Variants in SGCZ observed in about 807,000 individuals in gnomAD.
The protein encoded by SGCZ is sarcoglycan zeta, also known as zeta-sarcoglycan.
SGCZ carries 40 observed loss-of-function variants against 41.3 expected under a neutral mutation model. The observed-to-expected ratio is 0.97, with a 90% CI of 0.75 to 1.26. SGCZ has a LOEUF of 1.26. Ranked by LOEUF, SGCZ falls within the 50% of genes most tolerant of loss-of-function variation. The pLI is 0.00. For missense variants in SGCZ, 552 were observed against 369.8 expected, an observed-to-expected ratio of 1.49 and a Z score of -4.04; for synonymous variants, 206 against 137.5, an observed-to-expected ratio of 1.50 and a Z score of -3.49.
At chr8:14,594,186 AAATAAAT>A (rs1805332704) in intron 1 of SGCZ, among the ~76,000 whole-genome samples, 1 of 89,110 alleles carries the variant, frequency 1.1e-5, no homozygotes, top group Non-Finnish European at 2.4e-5. Flanking sequence ...AAAAATAAAT[AAATAAAT>A]AAATAAATAA....
chr8:14,172,684 C>A (rs1328967672), intron 4 of SGCZ, among the ~76,000 whole-genome samples: 1 of 151,994 alleles, frequency 6.6e-6, no homozygotes, highest in Non-Finnish European at 1.5e-5. Context: ...TCCTAAGGAC[C>A]ATTTGCAAAT....
At chr8:14,927,094 T>C (rs1346140477) in intron 1 of SGCZ, among the ~76,000 whole-genome samples, 1 of 147,056 alleles carries the variant, frequency 6.8e-6, no homozygotes, top group Non-Finnish European at 1.5e-5. Flanking sequence ...GTATCAAAGT[T>C]CCTGATTCTT....
intron 1 of SGCZ, among the ~76,000 whole-genome samples, chr8:15,076,402 G>A (rs191704133): frequency 4.6e-5 from 7 of 152,250 alleles, no homozygotes; most frequent in African/African-American, 1.7e-4. Context: ...AGAAAACTGT[G>A]ATTGCAGAAA....
intron 1 of SGCZ, among the ~76,000 whole-genome samples, chr8:15,158,276 T>A (rs139553801): frequency 9.1e-4 from 138 of 152,286 alleles, no homozygotes; most frequent in Non-Finnish European, 1.3e-3. Flanking sequence ...CGTTATCCAT[T>A]TTTCCCAGTT....
At chr8:14,722,049 G>T (rs1308297878) in intron 1 of SGCZ, among the ~76,000 whole-genome samples, 1 of 152,082 alleles carries the variant, frequency 6.6e-6, no homozygotes, top group Non-Finnish European at 1.5e-5. Flanking sequence ...CTTCTCAGTA[G>T]TGTTCCCTGG....
At chr8:14,220,895 G>C (rs1475629857) in intron 4 of SGCZ, among the ~76,000 whole-genome samples, 1 of 152,060 alleles carries the variant, frequency 6.6e-6, no homozygotes, top group African/African-American at 2.4e-5. Context: ...TTCAAAATTT[G>C]TTATCTTAAG....
At chr8:14,810,133 G>A (rs925791110) in intron 1 of SGCZ, among the ~76,000 whole-genome samples, 1 of 151,978 alleles carries the variant, frequency 6.6e-6, no homozygotes, top group African/African-American at 2.4e-5. Flanking sequence ...TTCAGGATTA[G>A]AGACTAAAAA....
chr8:14,579,237 A>C (rs965699090), intron 1 of SGCZ, among the ~76,000 whole-genome samples: 4 of 152,182 alleles, frequency 2.6e-5, no homozygotes, highest in Non-Finnish European at 5.9e-5. Flanking sequence ...ATGCTTTACT[A>C]AATCAGTTAC....
chr8:14,153,513 C>G (rs60246208), intron 5 of SGCZ, among the ~76,000 whole-genome samples: 18,846 of 152,124 alleles, frequency 0.12, 1,258 homozygotes, highest in Middle Eastern at 0.2. Context: ...CCATAGGTTT[C>G]ATACTGTCAC....
At chr8:15,195,000 T>C (rs1172337112) in intron 1 of SGCZ, among the ~76,000 whole-genome samples, 1 of 152,250 alleles carries the variant, frequency 6.6e-6, no homozygotes, top group African/African-American at 2.4e-5. Context: ...TCATTTATTT[T>C]AGAATAAAAT....
chr8:14,803,725 C>T (rs993859060), intron 1 of SGCZ, among the ~76,000 whole-genome samples: 1 of 151,568 alleles, frequency 6.6e-6, no homozygotes, highest in Non-Finnish European at 1.5e-5. Flanking sequence ...GTGGAGCCCA[C>T]CACAGCTCAA....
intron 1 of SGCZ, among the ~76,000 whole-genome samples, chr8:15,006,198 T>C (rs2130918630): frequency 6.6e-6 from 1 of 152,272 alleles, no homozygotes; most frequent in East Asian, 1.9e-4. Context: ...AAGAATACCC[T>C]AAAAATAGCA....
chr8:14,975,679 G>A (rs932499107), intron 1 of SGCZ, among the ~76,000 whole-genome samples: 4 of 151,850 alleles, frequency 2.6e-5, no homozygotes, highest in African/African-American at 9.7e-5. Context: ...TTACACAGCA[G>A]TGATTTCTCC....
intron 1 of SGCZ, among the ~76,000 whole-genome samples, chr8:15,134,574 G>A (rs1346590714): frequency 6.6e-6 from 1 of 151,914 alleles, no homozygotes; most frequent in East Asian, 1.9e-4. Flanking sequence ...AGAAATAACT[G>A]ATCACAAACT....
intron 1 of SGCZ, among the ~76,000 whole-genome samples, chr8:14,902,445 C>T (rs1260968299): frequency 2.0e-5 from 3 of 152,034 alleles, no homozygotes; most frequent in Non-Finnish European, 4.4e-5. Flanking sequence ...ATTCCCTGGG[C>T]CTGAATTTTC....
chr8:14,150,897 C>T (rs1462839285), intron 5 of SGCZ, among the ~76,000 whole-genome samples: 1 of 152,064 alleles, frequency 6.6e-6, no homozygotes, highest in African/African-American at 2.4e-5. Context: ...CTGGAGATCA[C>T]TGTGTTAAGT....
At chr8:14,821,407 C>A (rs1316761853) in intron 1 of SGCZ, among the ~76,000 whole-genome samples, 3 of 151,938 alleles carry the variant, frequency 2.0e-5, no homozygotes, top group Non-Finnish European at 2.9e-5. Flanking sequence ...GAACTAATAC[C>A]AATTATCCTT....
intron 2 of SGCZ, among the ~76,000 whole-genome samples, chr8:14,433,922 T>A (rs1317359803): frequency 6.6e-6 from 1 of 152,066 alleles, no homozygotes; most frequent in African/African-American, 2.4e-5. Context: ...AGAGTTGACA[T>A]TTTCAGTGAT....
rs561525354 is a variant in SGCZ, at chr8:15,107,654, T to G, written c.39+129931A>C. On this transcript the variant is annotated intron_variant, in intron 1 of 7. Transcript: ENST00000382080. ...GACTGTGAACTACATAAACCTTTTT[T>G]TTGTTTGTTTATTTTTGTTTTAAGT... Among the ~76,000 whole-genome samples the G allele has an allele frequency of 2.0e-5, 3 of 152,272 alleles. No homozygotes were observed. In the South Asian group the frequency reaches 6.2e-4, roughly 32 times the overall value.
Sources: allele counts gnomAD v4.1 joint callset (sites outside exome capture counted in the v4.1 genomes callset), GRCh38; gene constraint gnomAD v4.1.1; transcripts MANE v1.5; gene names NCBI Gene and HGNC (gene_info 2026-07-23, HGNC 2026-07-21).